Variants in FBXO34 observed in about 807,000 individuals in gnomAD.
FBXO34 encodes F-box protein 34.
A neutral mutation model predicts 24.5 loss-of-function variants in FBXO34; 12 were observed. That is an observed-to-expected ratio of 0.49 (90% CI 0.31 to 0.79). The LOEUF (loss-of-function observed/expected upper bound fraction) is 0.79, where lower values mean the gene tolerates loss of function less well. Among genes scored for constraint, FBXO34 ranks in the 30% least tolerant of loss-of-function variants. The pLI is 0.04. For synonymous variants in FBXO34, 320 were observed against 311.9 expected (o/e 1.03, Z -0.27); for missense variants, 823 against 857.7 (o/e 0.96, Z 0.51).
chr14:55,286,963 C>T (rs1881784716), intron 1 of FBXO34, among the ~76,000 whole-genome samples: 1 of 144,296 alleles, frequency 6.9e-6, no homozygotes, highest in South Asian at 2.1e-4. Flanking sequence ...GGCTGGAGTG[C>T]AGTGGCTTGA....
At chr14:55,385,759 A>G in the FBXO34 span, 18,652 of 1,036,872 alleles carry the variant, frequency 0.018, 232 homozygotes, top group Non-Finnish European at 0.023. Flanking sequence ...AGGAAAACCA[A>G]TGACCCTAGA....
downstream of FBXO34, chr14:55,369,731 C>G (rs1261512909): frequency 6.2e-7 from 1 of 1,613,612 alleles, no homozygotes; most frequent in Non-Finnish European, 8.5e-7. Flanking sequence ...GGTGCTCTGA[C>G]TCTGGGAGAC....
chr14:55,305,178 C>T (rs763067339), intron 1 of FBXO34, among the ~76,000 whole-genome samples: 1 of 152,130 alleles, frequency 6.6e-6, no homozygotes, highest in Non-Finnish European at 1.5e-5. Flanking sequence ...TTCAGGAGGT[C>T]GAGGCGGGTG....
chr14:55,366,577 A>T (rs1209870553), downstream of FBXO34: 1 of 152,460 alleles, frequency 6.6e-6, no homozygotes, highest in East Asian at 1.9e-4. Context: ...TCCTTACATG[A>T]GTCCCGTCCA....
the FBXO34 span, among the ~76,000 whole-genome samples, chr14:55,399,971 A>G: frequency 6.6e-6 from 1 of 152,368 alleles, no homozygotes; most frequent in South Asian, 2.1e-4. Context: ...ATAACAAACA[A>G]AAGATAAGTC....
chr14:55,374,005 T>G (rs1884871895), downstream of FBXO34, among the ~76,000 whole-genome samples: 1 of 152,084 alleles, frequency 6.6e-6, no homozygotes, highest in African/African-American at 2.4e-5. Context: ...ACAGCCTAAT[T>G]GTGTGTGCAA....
At chr14:55,436,594 A>G in the FBXO34 span, 1 of 1,614,202 alleles carries the variant, frequency 6.2e-7, no homozygotes, top group South Asian at 1.1e-5. Flanking sequence ...ACATTCTGAA[A>G]TAGGGGTCAT....
At chr14:55,294,715 G>A (rs567090671) in intron 1 of FBXO34, among the ~76,000 whole-genome samples, 4 of 152,118 alleles carry the variant, frequency 2.6e-5, no homozygotes, top group African/African-American at 7.2e-5. Context: ...TAATTACACC[G>A]GGGCAAACAC....
At chr14:55,379,481 G>T in the FBXO34 span, among the ~76,000 whole-genome samples, 1 of 152,092 alleles carries the variant, frequency 6.6e-6, no homozygotes, top group Non-Finnish European at 1.5e-5. Context: ...AGGGACGGAG[G>T]TTGCAATGAG....
chr14:55,333,652 G>T (rs1378674823), intron 1 of FBXO34, among the ~76,000 whole-genome samples: 2 of 151,358 alleles, frequency 1.3e-5, no homozygotes, highest in African/African-American at 4.9e-5. Flanking sequence ...TTGGTGTCCT[G>T]TTCCTTTCTA....
downstream of FBXO34, among the ~76,000 whole-genome samples, chr14:55,371,135 C>T (rs188525347): frequency 6.6e-6 from 1 of 152,256 alleles, no homozygotes; most frequent in Non-Finnish European, 1.5e-5. Context: ...GCACACGATG[C>T]CTTGGTTCAT....
chr14:55,280,687 C>T (rs1030033907), intron 1 of FBXO34, among the ~76,000 whole-genome samples: 12 of 152,064 alleles, frequency 7.9e-5, no homozygotes, highest in Admixed American at 2.0e-4. Context: ...CCACCTCGCC[C>T]GGCTAATTTT....
intron 1 of FBXO34, among the ~76,000 whole-genome samples, chr14:55,321,416 T>A (rs1456800527): frequency 6.6e-6 from 1 of 152,090 alleles, no homozygotes; most frequent in Non-Finnish European, 1.5e-5. Context: ...GTTTCTTTTT[T>A]TTTTTTTGGA....
chr14:55,367,049 A>G (rs1294518387), intron 2 of FBXO34: 1 of 152,690 alleles, frequency 6.5e-6, no homozygotes, highest in Admixed American at 6.5e-5. Context: ...ATTAACAACA[A>G]CAAACAAAAT....
the FBXO34 span, among the ~76,000 whole-genome samples, chr14:55,442,909 G>C: frequency 4.6e-5 from 7 of 152,182 alleles, no homozygotes; most frequent in African/African-American, 1.4e-4. Flanking sequence ...CACAGAGAAG[G>C]CCAGGTGAGG....
chr14:55,429,895 A>G, the FBXO34 span, among the ~76,000 whole-genome samples: 1 of 151,916 alleles, frequency 6.6e-6, no homozygotes, highest in African/African-American at 2.4e-5. Flanking sequence ...TCAGTTCTTG[A>G]GTCTTTATTG....
At chr14:55,406,027 G>A in the FBXO34 span, among the ~76,000 whole-genome samples, 2 of 151,954 alleles carry the variant, frequency 1.3e-5, no homozygotes, top group East Asian at 1.9e-4. Flanking sequence ...ATCGAACAAC[G>A]ACAAAAAAAT....
downstream of FBXO34, among the ~76,000 whole-genome samples, chr14:55,365,398 G>A (rs1884658314): frequency 6.6e-6 from 1 of 152,030 alleles, no homozygotes; most frequent in Non-Finnish European, 1.5e-5. Context: ...TCTAAGCACT[G>A]GAAAATACTC....
At chr14:55,298,546 C>T in intron 1 of FBXO34, 1 of 631,850 alleles carries the variant, frequency 1.6e-6, no homozygotes. Flanking sequence ...ACTTCTTGTC[C>T]TCATCTTTGA....
Sources: gnomAD v4.1 joint callset for allele counts (sites outside exome capture counted in the v4.1 genomes callset) on GRCh38, gnomAD v4.1.1 for gene constraint, MANE v1.5 for transcripts, NCBI Gene and HGNC (gene_info 2026-07-23, HGNC 2026-07-21) for gene names.